Variants in ERMP1 observed in about 807,000 individuals in gnomAD.
ERMP1 encodes endoplasmic reticulum metallopeptidase 1.
A neutral mutation model predicts 92.0 loss-of-function variants in ERMP1; 86 were observed. The observed-to-expected ratio is 0.93, with a 90% confidence interval of 0.79 to 1.12. The LOEUF (loss-of-function observed/expected upper bound fraction) is 1.12. Among genes scored for constraint, ERMP1 ranks in the 50% most tolerant of loss-of-function variants. The pLI is 0.00. For synonymous variants in ERMP1, 530 were observed against 412.8 expected, an observed-to-expected ratio of 1.28 and a Z score of -3.44; for missense variants, 1,342 against 1,116.3, an observed-to-expected ratio of 1.20 and a Z score of -2.88.
At chr9:5,838,098 CA>C (rs139097450), upstream of ERMP1, among the ~76,000 whole-genome samples, 1 of 148,404 alleles carries the variant, frequency 6.7e-6, no homozygotes. Flanking sequence ...ACTGTGTCTC[CA>C]AAAAAAAAGA....
upstream of ERMP1, among the ~76,000 whole-genome samples, chr9:5,835,088 C>G (rs1324329210): frequency 1.3e-5 from 2 of 148,998 alleles, no homozygotes; most frequent in African/African-American, 2.5e-5. Context: ...CTCATGAAAT[C>G]CTTTGTAGAT....
At chr9:5,811,412 T>G (rs1289179397) in intron 6 of ERMP1, 89 bp from the exon 7 acceptor site, 1 of 941,858 alleles carries the variant, frequency 1.1e-6, no homozygotes, top group Non-Finnish European at 1.6e-6. Context: ...TACCACTATT[T>G]AAAGCAGAAA....
intron 11 of ERMP1, among the ~76,000 whole-genome samples, chr9:5,800,111 T>C (rs1828611833): frequency 6.6e-6 from 1 of 152,208 alleles, no homozygotes; most frequent in Non-Finnish European, 1.5e-5. Context: ...CTTAAGGGTA[T>C]ATGTTATCTT....
At chr9:5,843,866 G>C (rs986171482) in intron 6 of ERMP1, among the ~76,000 whole-genome samples, 1 of 152,154 alleles carries the variant, frequency 6.6e-6, no homozygotes, top group African/African-American at 2.4e-5. Context: ...TTTAGACCAA[G>C]CCTGGGGATA....
intron 6 of ERMP1, among the ~76,000 whole-genome samples, chr9:5,844,554 G>A (rs989513953): frequency 8.5e-5 from 13 of 152,058 alleles, no homozygotes; most frequent in Admixed American, 2.6e-4. Flanking sequence ...GATTACAGGC[G>A]TGAGCCACCA....
chr9:5,832,680 C>A lies in ERMP1; in HGVS notation c.338+10G>T. The A allele has an allele frequency of 1.4e-6, 2 of 1,418,166 alleles. No individual in the cohort carries two copies. Among genetic ancestry groups the A allele is most frequent in the Non-Finnish European group, 9.2e-7 (1 of 1,092,468 alleles). The allele number at this position is 1,418,166 out of a possible 1,614,324, so 87.8% of individuals were successfully genotyped here. A position where few individuals can be genotyped will look rare whatever the true frequency, so the allele number is the denominator to read the frequency against. ...ACGCGCGGGCCGTGCCAGGAGGGAGCGGCCGGTACCTGGCTTGGAGCGCGT... is the reference window on the plus strand; with the variant it reads ...ACGCGCGGGCCGTGCCAGGAGGGAGAGGCCGGTACCTGGCTTGGAGCGCGT... On this transcript the variant is annotated intron_variant, in intron 1 of 14. Transcript: ENST00000339450.
intron 2 of ERMP1, among the ~76,000 whole-genome samples, chr9:5,828,022 G>C (rs796376873): frequency 7.9e-5 from 12 of 152,140 alleles, no homozygotes; most frequent in African/African-American, 2.9e-4. Context: ...GTACGTTCTA[G>C]GCCAGGCACA....
At chr9:5,823,699 T>A (rs979117113) in intron 4 of ERMP1, among the ~76,000 whole-genome samples, 197 bp downstream of exon 4, 10 of 150,890 alleles carry the variant, frequency 6.6e-5, no homozygotes, top group African/African-American at 1.2e-4. Flanking sequence ...TGGCATATAA[T>A]AAGCACTATA....
chr9:5,840,692 G>A (rs1359295204), intron 6 of ERMP1, among the ~76,000 whole-genome samples: 1 of 152,222 alleles, frequency 6.6e-6, no homozygotes, highest in Non-Finnish European at 1.5e-5. Flanking sequence ...TCCAACGAAT[G>A]ACTTAATTTT....
upstream of ERMP1, among the ~76,000 whole-genome samples, chr9:5,836,978 A>G (rs1348115734): frequency 6.6e-6 from 1 of 152,130 alleles, no homozygotes; most frequent in Non-Finnish European, 1.5e-5. Context: ...ACGTCCCTGT[A>G]TCTAGGTAGG....
chr9:5,824,124 C>T, intron 3 of ERMP1, 123 bp from the exon 4 acceptor site: 1 of 700,288 alleles, frequency 1.4e-6, no homozygotes, highest in Admixed American at 2.7e-5. Flanking sequence ...AATAATCGCT[C>T]TTCAAAGGCA....
intron 2 of ERMP1, among the ~76,000 whole-genome samples, chr9:5,826,987 C>A (rs1829752390): frequency 1.3e-5 from 2 of 152,142 alleles, no homozygotes; most frequent in African/African-American, 2.4e-5. Flanking sequence ...TCTATAAGGG[C>A]TAGGTGGTTA....
chr9:5,809,649 C>G (rs1419075442), intron 8 of ERMP1, among the ~76,000 whole-genome samples: 1 of 152,194 alleles, frequency 6.6e-6, no homozygotes, highest in Non-Finnish European at 1.5e-5. Context: ...CAATCCCTAT[C>G]CTCAAGGAGC....
intron 4 of ERMP1, among the ~76,000 whole-genome samples, chr9:5,821,599 C>T (rs938616348): frequency 1.3e-5 from 2 of 152,134 alleles, no homozygotes; most frequent in African/African-American, 2.4e-5. Context: ...CCGGACTACA[C>T]ATATGTAAAA....
intron 4 of ERMP1, among the ~76,000 whole-genome samples, chr9:5,815,896 A>G: frequency 6.7e-6 from 1 of 149,684 alleles, no homozygotes; most frequent in Non-Finnish European, 1.5e-5. Context: ...GGAAATACGT[A>G]CATTACGAGA....
At chr9:5,832,152 G>A (rs917405537) in intron 1 of ERMP1, among the ~76,000 whole-genome samples, 5 of 152,008 alleles carry the variant, frequency 3.3e-5, no homozygotes, top group African/African-American at 4.8e-5. Context: ...TAAACTGCAG[G>A]GATCTGAGAA....
intron 11 of ERMP1, among the ~76,000 whole-genome samples, chr9:5,800,536 C>T (rs922899910): frequency 6.6e-6 from 1 of 152,000 alleles, no homozygotes; most frequent in African/African-American, 2.4e-5. Context: ...ATTAGCCAGG[C>T]GTGGTGGCGA....
intron 2 of ERMP1, among the ~76,000 whole-genome samples, chr9:5,828,821 C>A (rs950059108): frequency 6.6e-6 from 1 of 152,172 alleles, no homozygotes; most frequent in African/African-American, 2.4e-5. Context: ...GCTGCTAATT[C>A]TTGTATATAC....
chr9:5,845,031 G>A (rs533764141), intron 6 of ERMP1, among the ~76,000 whole-genome samples: 12 of 151,786 alleles, frequency 7.9e-5, no homozygotes, highest in African/African-American at 2.9e-4. Flanking sequence ...CCCCACCCCC[G>A]CCAGCTCTTC....
Sources: gnomAD v4.1 joint callset for allele counts (sites outside exome capture counted in the v4.1 genomes callset) on GRCh38, gnomAD v4.1.1 for gene constraint, MANE v1.5 for transcripts, NCBI Gene and HGNC (gene_info 2026-07-23, HGNC 2026-07-21) for gene names.